Variants in THOC2 observed in about 807,000 individuals in gnomAD.
The protein encoded by THOC2 is THO complex 2.
A neutral mutation model predicts 128.4 loss-of-function variants in THOC2; 10 were observed. That is an observed-to-expected ratio of 0.08 (90% CI 0.05 to 0.13). The LOEUF (loss-of-function observed/expected upper bound fraction) is 0.13. Ranked by LOEUF, THOC2 falls within the 10% of genes least tolerant of loss-of-function variation. The pLI is 1.00. For synonymous variants in THOC2, 393 were observed against 396.9 expected, an observed-to-expected ratio of 0.99 and a Z score of 0.12; for missense variants, 535 against 1,155.7, an observed-to-expected ratio of 0.46 and a Z score of 7.79.
chrX:123,686,846 T>G, intron 7 of THOC2, 132 bp from the exon 8 acceptor site: 1 of 495,754 alleles, frequency 2.0e-6, no homozygotes. Context: ...ACAAATTTGC[T>G]TCCTCTCTCC....
intron 18 of THOC2, 72 bp downstream of exon 18, chrX:123,637,971 C>T (rs779867483): frequency 9.5e-6 from 7 of 733,659 alleles, no homozygotes; most frequent in Admixed American, 3.2e-5. Context: ...CTCTAAGCAT[C>T]GGTAATAAAA....
rs1265890663 is a variant in THOC2, at chrX:123,732,270, T to C, written c.71+682A>G. 8.0e-5 allele frequency among the ~76,000 whole-genome samples: 9 copies of C among 112,237 alleles called. No individual in the cohort carries two copies. In the East Asian group the frequency reaches 2.5e-3, roughly 32 times the overall value. On this transcript the variant is annotated intron_variant, in intron 1 of 38. Coordinates refer to ENST00000245838, the MANE Select transcript of THOC2 (RefSeq NM_001081550.2). ...GACGAAAGTTGAATCCAACCCGAAA[T>C]AGCTCTAAGGTGAAAAGACGGAGCA...
intron 33 of THOC2, among the ~76,000 whole-genome samples, chrX:123,616,719 T>C (rs2046908607): frequency 9.2e-6 from 1 of 108,989 alleles, no homozygotes; most frequent in African/African-American, 3.3e-5. Flanking sequence ...GCTGCTAGAA[T>C]TGCTACATCA....
At chrX:123,662,640 T>A (rs931757420) in intron 12 of THOC2, among the ~76,000 whole-genome samples, 1 of 109,607 alleles carries the variant, frequency 9.1e-6, no homozygotes, top group African/African-American at 3.3e-5. Flanking sequence ...ACGTTAAAAT[T>A]TTTTGCTGTC....
chrX:123,657,861 A>G (rs2048663965), intron 12 of THOC2, among the ~76,000 whole-genome samples: 1 of 111,882 alleles, frequency 8.9e-6, no homozygotes, highest in Non-Finnish European at 1.9e-5. Flanking sequence ...GATTAAGTGA[A>G]GGTAAAATGT....
chrX:123,622,451 G>GT (rs768374031), intron 30 of THOC2, among the ~76,000 whole-genome samples: 87 of 112,390 alleles, frequency 7.7e-4, no homozygotes, highest in African/African-American at 2.6e-3. Flanking sequence ...GATGTAAAGC[G>GT]TATCAGCAAA....
intron 1 of THOC2, among the ~76,000 whole-genome samples, chrX:123,715,247 A>T (rs894893427): frequency 9.2e-6 from 1 of 108,671 alleles, no homozygotes. Context: ...CATGTTACCC[A>T]GGCTGGTTTG....
chrX:123,714,347 T>C (rs1039111302), intron 1 of THOC2, among the ~76,000 whole-genome samples: 4 of 112,157 alleles, frequency 3.6e-5, no homozygotes, highest in African/African-American at 1.3e-4. Flanking sequence ...AGTGAAAGGA[T>C]GGATAAAGAT....
rs1220863226 is a variant in THOC2, at chrX:123,667,125, T to C, written c.1171A>G (p.Ile391Val). The change falls in exon 11 of 39, where the codon ATT (isoleucine) becomes GTT (valine). Residue 391 changes from isoleucine (I) to valine (V), a missense_variant. Around this residue, in one of 9 missense-constraint regions of THOC2, gnomAD observed 197 missense variants for 313.4 expected, o/e 0.63. Transcript: ENST00000245838. Reference sequence around the variant, plus strand: ...ACATACCTTCGGTAGAGAGGCTCAATAGTTATATGAATGAGCTTGCAAATA... The same window carrying C: ...ACATACCTTCGGTAGAGAGGCTCAACAGTTATATGAATGAGCTTGCAAATA... ...LAICKLIHIT[I>V]EPLYRRVGVP... 5 of 1,192,104 alleles carry C rather than the reference T, an allele frequency of 4.2e-6. No individual in the cohort carries two copies. The highest frequency in any genetic ancestry group is 1.1e-6 in the Non-Finnish European group (1 of 887,456).
chrX:123,611,073 T>C, intron 37 of THOC2, 110 bp from the exon 38 acceptor site: 2 of 690,716 alleles, frequency 2.9e-6, no homozygotes, highest in Non-Finnish European at 4.4e-6. Flanking sequence ...CTGACCAGCC[T>C]GGTAGCCTCA....
rs764633650 is a variant in THOC2 at position 123,638,003 on chromosome X, C to T, written c.1921+40G>A. ...AAAATGCATAACATGGCAGTTACCA[C>T]AGATAGTAATTTCATCTTTGGAAAA... On this transcript the variant is annotated intron_variant, in intron 18 of 38. Transcript: ENST00000245838. The T allele has an allele frequency of 8.1e-6, 8 of 988,311 alleles. No individual in the cohort carries two copies. The Admixed American group carries it at 1.9e-4, about 24-fold the overall frequency. The allele number at this position is 988,311 out of a possible 1,213,427, so 81.4% of individuals were successfully genotyped here.
chrX:123,627,149 A>T (rs749826792), intron 23 of THOC2, among the ~76,000 whole-genome samples: 1 of 112,407 alleles, frequency 8.9e-6, no homozygotes, highest in East Asian at 2.8e-4. Context: ...TACCAAGTCT[A>T]CTTTTCTCCC....
At chrX:123,617,936 A>G (rs2046953803) in intron 33 of THOC2, among the ~76,000 whole-genome samples, 1 of 111,972 alleles carries the variant, frequency 8.9e-6, no homozygotes, top group Admixed American at 9.5e-5. Context: ...TTTACATTAA[A>G]TGAAAGTTCT....
intron 8 of THOC2, among the ~76,000 whole-genome samples, chrX:123,681,045 G>T (rs1340553928): frequency 9.0e-6 from 1 of 110,670 alleles, no homozygotes; most frequent in African/African-American, 3.3e-5. Context: ...TGCTATTAAA[G>T]AAACTCCTTA....
At chrX:123,619,567 T>A in intron 32 of THOC2, 131 bp from the exon 33 acceptor site, 1 of 656,252 alleles carries the variant, frequency 1.5e-6, no homozygotes, top group Non-Finnish European at 2.4e-6. Context: ...ATGATGTCAT[T>A]ATCAATATGA....
chrX:123,703,964 T>A (rs183411224), intron 3 of THOC2, among the ~76,000 whole-genome samples: 1 of 95,305 alleles, frequency 1.0e-5, no homozygotes, highest in Admixed American at 1.2e-4. Flanking sequence ...AAAAACCCCA[T>A]CATTATATTG....
At chrX:123,687,957 A>G (rs1378635663) in intron 7 of THOC2, among the ~76,000 whole-genome samples, 1 of 112,242 alleles carries the variant, frequency 8.9e-6, no homozygotes, top group African/African-American at 3.2e-5. Flanking sequence ...TACTTCAAAA[A>G]AGTATGGCCT....
chrX:123,606,304 A>C (rs772641235), intron 38 of THOC2, among the ~76,000 whole-genome samples: 14 of 108,920 alleles, frequency 1.3e-4, no homozygotes, highest in Non-Finnish European at 2.7e-4. Context: ...GAAAGAAAGA[A>C]AGACAGGCCG....
intron 1 of THOC2, among the ~76,000 whole-genome samples, chrX:123,730,935 C>A (rs1420716679): frequency 8.9e-6 from 1 of 111,824 alleles, no homozygotes; most frequent in East Asian, 2.8e-4. Context: ...CAGAGCGAGA[C>A]TCCGTCTCAA....
Sources: allele counts gnomAD v4.1 joint callset (sites outside exome capture counted in the v4.1 genomes callset), GRCh38; gene constraint gnomAD v4.1.1; regional missense constraint gnomAD v4.1.1; transcripts MANE v1.5; gene names NCBI Gene and HGNC (gene_info 2026-07-23, HGNC 2026-07-21).